Variants in MAGI2 observed in about 807,000 individuals in gnomAD.
MAGI2 encodes the protein membrane associated guanylate kinase, WW and PDZ domain containing 2.
MAGI2 carries 35 observed loss-of-function variants against 133.3 expected under a neutral mutation model. The observed-to-expected ratio is 0.26, with a 90% CI of 0.20 to 0.35. MAGI2 has a LOEUF of 0.35. Among genes scored for constraint, MAGI2 ranks in the 10% least tolerant of loss-of-function variants. The pLI is 1.00. For synonymous variants in MAGI2, 729 were observed against 710.6 expected, an observed-to-expected ratio of 1.03 and a Z score of -0.41; for missense variants, 1,636 against 1,863.4, an observed-to-expected ratio of 0.88 and a Z score of 2.25.
chr7:78,040,620 G>A (rs1810726201), intron 21 of MAGI2, among the ~76,000 whole-genome samples: 1 of 152,164 alleles, frequency 6.6e-6, no homozygotes, highest in South Asian at 2.1e-4. Context: ...CTCTGGAAGC[G>A]CGGGATGACT....
chr7:79,151,433 C>T (rs6967793), intron 1 of MAGI2, among the ~76,000 whole-genome samples: 106,747 of 152,054 alleles, frequency 0.7, 40,142 homozygotes, highest in Non-Finnish European at 0.85. Context: ...AATTTTGTTA[C>T]GAAAGCTCCT....
intron 9 of MAGI2, among the ~76,000 whole-genome samples, chr7:78,313,730 A>C (rs1223678807): frequency 2.0e-5 from 3 of 152,022 alleles, no homozygotes; most frequent in Non-Finnish European, 4.4e-5. Context: ...TTTTGCTCTT[A>C]AAACTATATC....
In MAGI2 at chr7:78,125,694, C is replaced by T. The variant is rs1448864240; in HGVS notation, c.3567G>A (p.Arg1189=). The T allele has an allele frequency of 6.2e-7, 1 of 1,612,596 alleles. No individual in the cohort carries two copies. Among genetic ancestry groups the T allele is most frequent in the African/African-American group, 1.3e-5 (1 of 74,826 alleles). The change falls in exon 20 of 22, where the codon AGG becomes AGA. Residue 1189 remains arginine, a splice_region_variant and synonymous_variant. Coordinates refer to ENST00000354212, the MANE Select transcript of MAGI2 (RefSeq NM_012301.4). The stretch of plus-strand genomic sequence containing the variant: ...TTCTATAAAAAGAGACTGTTCTTAC[C>T]CTCATCCTCCCATTCCTTATTGCTG... ...DGPAIRNGRM[R]VGDQIIEING...
intron 2 of MAGI2, among the ~76,000 whole-genome samples, chr7:78,873,799 T>C (rs1461839182): frequency 6.6e-6 from 1 of 152,098 alleles, no homozygotes; most frequent in Non-Finnish European, 1.5e-5. Context: ...TAAGTAGAAT[T>C]TCTTTTGGGT....
At chr7:78,703,529 TCTGA>T (rs1818288873) in intron 2 of MAGI2, among the ~76,000 whole-genome samples, 1 of 152,026 alleles carries the variant, frequency 6.6e-6, no homozygotes, top group African/African-American at 2.4e-5. Context: ...TCTTCATAAC[TCTGA>T]CTGTAAAGAT....
intron 21 of MAGI2, among the ~76,000 whole-genome samples, chr7:78,034,677 A>G (rs959208219): frequency 3.3e-5 from 5 of 152,036 alleles, no homozygotes; most frequent in African/African-American, 9.7e-5. Context: ...ACAGTTGTGC[A>G]CCACCACGCC....
intron 9 of MAGI2, among the ~76,000 whole-genome samples, chr7:78,304,968 G>A (rs188462093): frequency 1.2e-4 from 18 of 152,292 alleles, no homozygotes; most frequent in Non-Finnish European, 2.4e-4. Context: ...TCTACCACCT[G>A]CCATTATATT....
chr7:78,443,246 CAT>C (rs200653371), intron 6 of MAGI2, among the ~76,000 whole-genome samples: 1,732 of 152,188 alleles, frequency 0.011, 28 homozygotes, highest in African/African-American at 0.037. Context: ...CTTATTATGA[CAT>C]AAAGAAATAG....
chr7:78,135,506 G>T (rs1822019369), intron 16 of MAGI2, among the ~76,000 whole-genome samples: 1 of 152,102 alleles, frequency 6.6e-6, no homozygotes, highest in Admixed American at 6.5e-5. Flanking sequence ...CCTTACTGGG[G>T]ACTGTCTGAG....
chr7:78,603,672 C>T (rs895188337), intron 3 of MAGI2, among the ~76,000 whole-genome samples: 17 of 152,092 alleles, frequency 1.1e-4, no homozygotes, highest in African/African-American at 4.1e-4. Context: ...CAGGTGCATG[C>T]CACCACACCA....
In MAGI2 at chr7:79,385,397, C is replaced by T. The variant is rs533910037; in HGVS notation, c.301+67623G>A. Reference sequence around the variant, plus strand: ...TTTTAAGATAACATGACTTCAAATTCGAGCTAGTGTTTGAATTTTAAAATA... The same window carrying T: ...TTTTAAGATAACATGACTTCAAATTTGAGCTAGTGTTTGAATTTTAAAATA... On this transcript the variant is annotated intron_variant, in intron 1 of 21. Coordinates refer to ENST00000354212, the MANE Select transcript of MAGI2 (RefSeq NM_012301.4). Among the ~76,000 whole-genome samples the T allele has an allele frequency of 4.0e-5, 6 of 151,892 alleles. No homozygotes were observed. The South Asian group carries it at 8.3e-4, about 21-fold the overall frequency.
intron 2 of MAGI2, among the ~76,000 whole-genome samples, chr7:78,997,669 C>T (rs143921774): frequency 2.8e-4 from 42 of 150,654 alleles, no homozygotes; most frequent in African/African-American, 9.7e-4. Flanking sequence ...CTGTTGATCA[C>T]ATATCAGTCT....
chr7:78,562,565 C>T (rs1272055023), intron 3 of MAGI2, among the ~76,000 whole-genome samples: 1 of 152,158 alleles, frequency 6.6e-6, no homozygotes, highest in Non-Finnish European at 1.5e-5. Flanking sequence ...TTTTAAGTGA[C>T]CCAAACTTAA....
At chr7:78,403,467 C>A (rs949130157) in intron 6 of MAGI2, among the ~76,000 whole-genome samples, 7 of 152,110 alleles carry the variant, frequency 4.6e-5, no homozygotes, top group Non-Finnish European at 8.8e-5. Flanking sequence ...CATACGTGTG[C>A]ATGTGTCTTT....
At chr7:78,576,215 A>G (rs1802253236) in intron 3 of MAGI2, among the ~76,000 whole-genome samples, 1 of 151,752 alleles carries the variant, frequency 6.6e-6, no homozygotes, top group Non-Finnish European at 1.5e-5. Flanking sequence ...TTGTTTTGTC[A>G]CAGTTTAGAA....
At chr7:79,432,844 G>C (rs1847867900) in intron 1 of MAGI2, among the ~76,000 whole-genome samples, 1 of 152,190 alleles carries the variant, frequency 6.6e-6, no homozygotes. Context: ...TAACAGAAAA[G>C]CAGCATCTGG....
rs578079005 is a variant in MAGI2 at position 78,734,882 on chromosome 7, A to G, written c.419-107643T>C. On this transcript the variant is annotated intron_variant, in intron 2 of 21. Transcript: ENST00000354212. ...GAAACCACTGAACTAAGCCCAGCCTAGTTCAGTGAACCCTGCACACATATG... is the reference window on the plus strand; with the variant it reads ...GAAACCACTGAACTAAGCCCAGCCTGGTTCAGTGAACCCTGCACACATATG... Among the ~76,000 whole-genome samples, 34 of 152,288 alleles carry G rather than the reference A, an allele frequency of 2.2e-4. No individual in the cohort carries two copies. In the East Asian group the frequency reaches 6.6e-3, roughly 29 times the overall value.
rs58875044 is a variant in MAGI2 at position 78,087,277 on chromosome 7, A to G, written c.3568-8192T>C. 3.9e-5 allele frequency among the ~76,000 whole-genome samples: 6 copies of G among 152,340 alleles called. No homozygotes were observed. In the East Asian group the frequency reaches 1.2e-3, roughly 29 times the overall value. ...TGAAAAAAGGCATTTTTCAGAAATT[A>G]TCTTTTTGGCTGTATGCTCCTTAGA... is the stretch of plus-strand genomic sequence containing the variant. On this transcript the variant is annotated intron_variant, in intron 20 of 21. Transcript: ENST00000354212.
At chr7:78,621,833 G>A (rs902740444) in intron 3 of MAGI2, among the ~76,000 whole-genome samples, 1 of 151,976 alleles carries the variant, frequency 6.6e-6, no homozygotes, top group African/African-American at 2.4e-5. Context: ...TTATGCTTTA[G>A]CCACATCTAT....
Sources: allele counts gnomAD v4.1 joint callset (sites outside exome capture counted in the v4.1 genomes callset), GRCh38; gene constraint gnomAD v4.1.1; transcripts MANE v1.5; gene names NCBI Gene and HGNC (gene_info 2026-07-23, HGNC 2026-07-21).